KLHDC1: variants seen among roughly 807,000 people sequenced by gnomAD.
KLHDC1 encodes the protein kelch domain-containing protein 1.
Under a neutral mutation model 68.3 loss-of-function variants are expected in KLHDC1, and 53 were observed. The ratio of observed to expected loss-of-function variants is 0.78; its 90% CI spans 0.62 to 0.98. The LOEUF is 0.98. Among genes scored for constraint, KLHDC1 ranks in the 50% least tolerant of loss-of-function variants. The pLI is 0.00. For missense variants in KLHDC1, 470 were observed against 492.3 expected, an observed-to-expected ratio of 0.95 and a Z score of 0.43; for synonymous variants, 148 against 159.0, an observed-to-expected ratio of 0.93 and a Z score of 0.52.
chr14:49,743,764 T>C lies in KLHDC1; in HGVS notation c.993T>C (p.Asn331=). 1 of 1,593,086 alleles carries C rather than the reference T, an allele frequency of 6.3e-7. No homozygotes were observed. Among genetic ancestry groups the C allele is most frequent in the Non-Finnish European group, 8.6e-7 (1 of 1,164,350 alleles). Residue 331 remains asparagine, a synonymous_variant, in exon 12 of 13, where the codon AAT becomes AAC. Coordinates refer to ENST00000359332, the MANE Select transcript of KLHDC1 (RefSeq NM_172193.3). The stretch of plus-strand genomic sequence containing the variant: ...TTTGTGTTGATTAGGGTCACTGTAA[T>C]GATTTATTGATCTTTCAAACACAGC... ...DLLALDTGHC[N]DLLIFQTQPY...
intron 10 of KLHDC1, among the ~76,000 whole-genome samples, chr14:49,738,304 G>GT (rs1888979689): frequency 6.8e-6 from 1 of 146,368 alleles, no homozygotes; most frequent in South Asian, 2.2e-4. Context: ...ATATTATGTT[G>GT]TTTTTTTCAT....
intron 1 of KLHDC1, among the ~76,000 whole-genome samples, chr14:49,697,466 GA>G (rs759705550): frequency 6.6e-6 from 1 of 152,200 alleles, no homozygotes; most frequent in Non-Finnish European, 1.5e-5. Context: ...GCAAAAGTTT[GA>G]AATACTGTGA....
chr14:49,693,748 C>CTTTTTTTTTTTTTTT, intron 1 of KLHDC1, among the ~76,000 whole-genome samples: 825 of 61,482 alleles, frequency 0.013, 239 homozygotes, highest in African/African-American at 0.016. Context: ...TTTTCTTTTT[C>CTTTTTTTTTTTTTTT]TTTTTTTTTT....
Position 49,709,784 on chromosome 14 carries a change from G to C in KLHDC1, c.243G>C (p.Leu81=). The C allele has an allele frequency of 6.2e-7, 1 of 1,602,556 alleles. No homozygotes were observed. The stretch of plus-strand genomic sequence containing the variant: ...GTGGTGCTTGCATTAATGGAAAGCT[G>C]TACATTTTTGGAGGATATGATGACA... ...GSCGACINGK[L]YIFGGYDDKG... The change falls in exon 3 of 13, where the codon CTG becomes CTC. Residue 81 remains leucine (L), a synonymous_variant. Coordinates refer to ENST00000359332, the MANE Select transcript of KLHDC1 (RefSeq NM_172193.3).
At chr14:49,743,364 C>A (rs1304101474) in intron 11 of KLHDC1, among the ~76,000 whole-genome samples, 1 of 145,766 alleles carries the variant, frequency 6.9e-6, no homozygotes, top group Non-Finnish European at 1.5e-5. Flanking sequence ...TGCACCACTG[C>A]ACTCCAGTCT....
At chr14:49,748,636 A>T (rs1036487033) in intron 12 of KLHDC1, among the ~76,000 whole-genome samples, 12 of 152,092 alleles carry the variant, frequency 7.9e-5, no homozygotes, top group Non-Finnish European at 1.5e-4. Context: ...TATTGTTCTG[A>T]TTGTAAAAAG....
intron 10 of KLHDC1, 37 bp downstream of exon 10, chr14:49,734,698 G>A: frequency 1.6e-6 from 2 of 1,221,862 alleles, no homozygotes; most frequent in Non-Finnish European, 2.4e-6. Flanking sequence ...AAATAGTTAA[G>A]AATTTTTAAA....
At chr14:49,710,570 G>T (rs142887432) in intron 4 of KLHDC1, among the ~76,000 whole-genome samples, 189 bp downstream of exon 4, 6 of 152,144 alleles carry the variant, frequency 3.9e-5, no homozygotes, top group African/African-American at 1.4e-4. Context: ...TGTCTTACTG[G>T]ACTGGGTAGG....
At chr14:49,718,487 G>A (rs1395369956) in intron 4 of KLHDC1, among the ~76,000 whole-genome samples, 1 of 151,992 alleles carries the variant, frequency 6.6e-6, no homozygotes, top group Non-Finnish European at 1.5e-5. Flanking sequence ...CACCATGTTG[G>A]CCAGGCTGGT....
In KLHDC1 at chr14:49,752,892, T is replaced by A. The variant is rs1889347457; in HGVS notation, c.*1120T>A. 1.3e-5 allele frequency: 2 copies of A among 152,084 alleles called. No homozygotes were observed. Among genetic ancestry groups the A allele is most frequent in the East Asian group, 1.9e-4 (1 of 5,200 alleles). The allele number at this position is 152,084 out of a possible 1,614,324, so 9.4% of individuals were successfully genotyped here. A position where few individuals can be genotyped will look rare whatever the true frequency, so the allele number is the denominator to read the frequency against. ...TTCTCCACAATATTACCATGCAAGT[T>A]ATCTCTGAAATTTAAAATGTTAAAG... On this transcript the variant is annotated 3_prime_UTR_variant, in exon 13 of 13. Coordinates refer to ENST00000359332, the MANE Select transcript of KLHDC1 (RefSeq NM_172193.3).
chr14:49,693,382 C>T, intron 1 of KLHDC1, 92 bp downstream of exon 1: 6 of 940,956 alleles, frequency 6.4e-6, no homozygotes, highest in Non-Finnish European at 8.6e-6. Context: ...CCCGAGGCTG[C>T]GGCCCAGGCC....
At position 49,700,095 on chromosome 14, in the gene KLHDC1, C is replaced by T. The variant is rs140465157; in HGVS notation, c.96+6805C>T. The stretch of plus-strand genomic sequence containing the variant: ...AGGCTGGAGTGCAGTGGCGCGATCT[C>T]GGCTCACTGCAACCTCCGCCTCCCA... On this transcript the variant is annotated intron_variant, in intron 1 of 12. Transcript: ENST00000359332. 1.4e-4 allele frequency: 43 copies of T among 304,348 alleles called. 1 individual carries two copies. In the East Asian group the frequency reaches 4.8e-3, roughly 34 times the overall value. 18.9% of individuals were successfully genotyped at this position (304,348 alleles called of 1,614,324 possible).
intron 12 of KLHDC1, among the ~76,000 whole-genome samples, chr14:49,744,030 A>T (rs2139768500): frequency 6.6e-6 from 1 of 152,014 alleles, no homozygotes; most frequent in South Asian, 2.1e-4. Context: ...TACACCTGTA[A>T]TTGAGTGCTC....
chr14:49,694,119 C>T (rs1566589508), intron 1 of KLHDC1, among the ~76,000 whole-genome samples: 1 of 151,870 alleles, frequency 6.6e-6, no homozygotes, highest in Non-Finnish European at 1.5e-5. Context: ...TTTCTAGTCT[C>T]AAAATAGACG....
intron 1 of KLHDC1, among the ~76,000 whole-genome samples, chr14:49,702,168 CAAA>C (rs56298211): frequency 5.6e-5 from 4 of 70,924 alleles, no homozygotes; most frequent in African/African-American, 6.2e-5. Context: ...AATTCTGTCT[CAAA>C]AAAAAAAAAA....
intron 2 of KLHDC1, 129 bp from the exon 3 acceptor site, chr14:49,709,580 G>T: frequency 4.2e-6 from 2 of 476,002 alleles, no homozygotes; most frequent in Non-Finnish European, 7.5e-6. Context: ...TTACATTATT[G>T]GCCACCATTA....
chr14:49,741,451 G>A (rs138466784), intron 11 of KLHDC1, among the ~76,000 whole-genome samples: 238 of 151,836 alleles, frequency 1.6e-3, no homozygotes, highest in Middle Eastern at 3.4e-3. Context: ...GATTACAGGC[G>A]TGTGCCACAA....
intron 4 of KLHDC1, among the ~76,000 whole-genome samples, chr14:49,710,877 A>T (rs939710508): frequency 1.3e-4 from 20 of 151,960 alleles, no homozygotes; most frequent in Admixed American, 4.6e-4. Flanking sequence ...TCACATTTTT[A>T]TTCTTTATGT....
chr14:49,728,873 C>A lies in KLHDC1; in HGVS notation c.568-53C>A, dbSNP rs1242863786. 3 of 1,243,370 alleles carry A rather than the reference C, an allele frequency of 2.4e-6. No individual in the cohort carries two copies. In the African/African-American group the frequency reaches 4.4e-5, roughly 18 times the overall value. The allele number at this position is 1,243,370 out of a possible 1,614,324, so 77.0% of individuals were successfully genotyped here. A position where few individuals can be genotyped will look rare whatever the true frequency, so the allele number is the denominator to read the frequency against. On this transcript the variant is annotated intron_variant, in intron 6 of 12. Coordinates refer to ENST00000359332, the MANE Select transcript of KLHDC1 (RefSeq NM_172193.3). ...TCACATACTGAGCATAGGAATGTAA[C>A]TTTATTACAGATATTTCAAGTCTTT... is the stretch of plus-strand genomic sequence containing the variant.
Sources: gnomAD v4.1 joint callset for allele counts (sites outside exome capture counted in the v4.1 genomes callset) on GRCh38, gnomAD v4.1.1 for gene constraint, MANE v1.5 for transcripts, NCBI Gene and HGNC (gene_info 2026-07-23, HGNC 2026-07-21) for gene names.